The following VWA7 variants were observed in gnomAD, a reference collection of about 807,000 sequenced individuals.
VWA7 encodes von Willebrand factor A domain containing 7.
VWA7 carries 66 observed loss-of-function variants against 83.1 expected under a neutral mutation model. That is an observed-to-expected ratio of 0.79 (90% CI 0.65 to 0.98). The LOEUF is 0.98. VWA7 is among the 50% of genes least tolerant of loss of function. The pLI is 0.00. For missense variants in VWA7, 1,080 were observed against 1,160.2 expected (o/e 0.93, Z 1.00); for synonymous variants, 424 against 488.5 (o/e 0.87, Z 1.74).
Position 31,772,965 on chromosome 6 carries a change from A to G in VWA7, c.1076T>C (p.Phe359Ser), listed in dbSNP as rs1043077474. 5.0e-6 allele frequency: 8 copies of G among 1,611,612 alleles called. No homozygotes were observed. The highest frequency in any genetic ancestry group is 5.9e-6 in the Non-Finnish European group (7 of 1,179,918). The change falls in exon 7 of 17, where the codon TTT (phenylalanine) becomes TCT (serine). Residue 359 changes from phenylalanine to serine, a missense_variant. Transcript: ENST00000375688. Reference protein sequence around the residue: ...MEPVHYVLVPFHDPGFGPVFT... With the variant: ...MEPVHYVLVPSHDPGFGPVFT... ...CAGACCACACTTACCTGGGTCATGA[A>G]AAGGCACCAGGACATAGTGGACAGG...
In VWA7 at chr6:31,775,231, A is replaced by G. The variant is rs1239344915; in HGVS notation, c.610+102T>C. 9.8e-7 allele frequency: 1 copy of G among 1,023,714 alleles called. No homozygotes were observed. The highest frequency in any genetic ancestry group is 1.4e-6 in the Non-Finnish European group (1 of 715,118). The allele number at this position is 1,023,714 out of a possible 1,614,324, so 63.4% of individuals were successfully genotyped here. A position where few individuals can be genotyped will look rare whatever the true frequency, so the allele number is the denominator to read the frequency against. ...GGGACCTCAGTCCTTGTGGAGATTA[A>G]GTAACATCATACCCTCTGGGACTTC... is the stretch of plus-strand genomic sequence containing the variant. On this transcript the variant is annotated intron_variant, in intron 4 of 16. Coordinates refer to ENST00000375688, the MANE Select transcript of VWA7 (RefSeq NM_025258.3). This position sits in a 1 kb window ranked among gnomAD's most constrained non-coding sequence, Gnocchi z 5.9.
At position 31,776,889 on chromosome 6, in the gene VWA7, A is replaced by G. The variant is rs1812737185; in HGVS notation, c.-15-95T>C. The G allele has an allele frequency of 1.5e-6, 1 of 686,580 alleles. No homozygotes were observed. Among genetic ancestry groups the G allele is most frequent in the East Asian group, 3.2e-5 (1 of 30,978 alleles). 42.5% of individuals were successfully genotyped at this position (686,580 alleles called of 1,614,324 possible). A position where few individuals can be genotyped will look rare whatever the true frequency, so the allele number is the denominator to read the frequency against. On this transcript the variant is annotated intron_variant, in intron 1 of 16. Transcript: ENST00000375688. This position sits in a 1 kb window ranked among gnomAD's most constrained non-coding sequence, Gnocchi z 6.2. ...CTCCATGGGAACCTGCTTTACCTCA[A>G]AAGTCGTGTCTGCTCCAGCCTGGCT...
intron 7 of VWA7, among the ~76,000 whole-genome samples, chr6:31,772,474 C>T (rs938816818): frequency 6.6e-6 from 1 of 150,980 alleles, no homozygotes; most frequent in African/African-American, 2.4e-5. Flanking sequence ...TCTGTATGCA[C>T]ACAGTAGAGG....
intron 10 of VWA7, among the ~76,000 whole-genome samples, chr6:31,768,233 G>T (rs545898288): frequency 6.6e-6 from 1 of 152,172 alleles, no homozygotes; most frequent in Admixed American, 6.5e-5. Flanking sequence ...GAGGGGCACG[G>T]GGCCAGGGAT....
In VWA7 at chr6:31,770,052, G is replaced by C; in HGVS notation, c.1149C>G (p.Ile383Met). 1.2e-6 allele frequency: 2 copies of C among 1,612,954 alleles called. No individual in the cohort carries two copies. The highest frequency in any genetic ancestry group is 8.5e-7 in the Non-Finnish European group (1 of 1,180,008). ...GCTCGTCTCCACCCCCCAAGGCATG[G>C]ATCTCATTAAGCTGTTGCCAGAAGC... ...PDSFWQQLNE[I>M]HALGGGDEPE... The change falls in exon 8 of 17, where the codon ATC (isoleucine) becomes ATG (methionine). Residue 383 changes from isoleucine (I) to methionine (M), a missense_variant. Ile to Met is a conservative substitution (Grantham distance 10, BLOSUM62 1). Transcript: ENST00000375688.
chr6:31,771,990 C>CAAAAAAAAAA (rs34193146), intron 7 of VWA7, among the ~76,000 whole-genome samples: 3 of 41,936 alleles, frequency 7.2e-5, no homozygotes, highest in East Asian at 7.0e-4. Context: ...GACTCCGTCT[C>CAAAAAAAAAA]AAAAAAAAAA....
In VWA7 at chr6:31,775,276, G is replaced by A. The variant is rs1402924837; in HGVS notation, c.610+57C>T. Reference sequence around the variant, plus strand: ...GACTTCAGAATGTGACACAGTGGCTGGGTGGACTGAGGTGGCCCTGTGGAC... The same window carrying A: ...GACTTCAGAATGTGACACAGTGGCTAGGTGGACTGAGGTGGCCCTGTGGAC... On this transcript the variant is annotated intron_variant, in intron 4 of 16. Transcript: ENST00000375688. The surrounding 1 kb of genome is among the most constrained non-coding windows in gnomAD (Gnocchi z 5.9). 4.8e-5 allele frequency: 69 copies of A among 1,435,520 alleles called. No individual in the cohort carries two copies. Among genetic ancestry groups the A allele is most frequent in the Non-Finnish European group, 6.3e-5 (66 of 1,043,792 alleles). 88.9% of individuals were successfully genotyped at this position (1,435,520 alleles called of 1,614,324 possible).
Position 31,777,308 on chromosome 6 carries a change from G to A in VWA7, c.-215C>T, listed in dbSNP as rs774424693. 2 of 532,752 alleles carry A rather than the reference G, an allele frequency of 3.8e-6. No homozygotes were observed. The highest frequency in any genetic ancestry group is 6.7e-6 in the Non-Finnish European group (2 of 299,250). The allele number at this position is 532,752 out of a possible 1,614,324, so 33.0% of individuals were successfully genotyped here. On this transcript the variant is annotated 5_prime_UTR_variant, in exon 1 of 17. Coordinates refer to ENST00000375688, the MANE Select transcript of VWA7 (RefSeq NM_025258.3). This position sits in a 1 kb window ranked among gnomAD's most constrained non-coding sequence, Gnocchi z 5.8. ...GCCCACGCCAGGGCGGGCCTCCCTTGGCTGCAGTGCGGAGGTGAGTGAGAG... is the reference window on the plus strand; with the variant it reads ...GCCCACGCCAGGGCGGGCCTCCCTTAGCTGCAGTGCGGAGGTGAGTGAGAG...
intron 4 of VWA7, 96 bp from the exon 5 acceptor site, chr6:31,774,722 G>C (rs1433379473): frequency 1.3e-5 from 14 of 1,038,384 alleles, no homozygotes; most frequent in Non-Finnish European, 1.9e-5. Flanking sequence ...TCCCAGCTGG[G>C]ATGAGGCGAA....
chr6:31,772,914 AT>A, intron 7 of VWA7, 39 bp downstream of exon 7: 1 of 1,584,464 alleles, frequency 6.3e-7, no homozygotes, highest in Non-Finnish European at 8.6e-7. Flanking sequence ...CTTACCTTGA[AT>A]TTTCCTCCCC....
chr6:31,765,762 G>A lies in VWA7; in HGVS notation c.2508C>T (p.His836=). 1.3e-6 allele frequency: 2 copies of A among 1,586,484 alleles called. No individual in the cohort carries two copies. The highest frequency in any genetic ancestry group is 1.1e-5 in the South Asian group (1 of 87,292). ...LVSAPAPQDR[H]TTPTGSSDPI... ...GGTCAGATGAGCCGGTAGGGGTGGT[G>A]TGCCGGTCCTGTGGGGAAAAGGAAG... The change falls in exon 17 of 17, where the codon CAC becomes CAT. Residue 836 remains histidine, a synonymous_variant. Transcript: ENST00000375688.
In VWA7 at chr6:31,776,163, C is replaced by T. The variant is rs763416256; in HGVS notation, c.314G>A (p.Gly105Asp). 1 of 1,614,020 alleles carries T rather than the reference C, an allele frequency of 6.2e-7. No homozygotes were observed. Among genetic ancestry groups the T allele is most frequent in the Non-Finnish European group, 8.5e-7 (1 of 1,180,024 alleles). ...GSSRRFRAAL[G>D]EVSRANAAQD... is the part of the protein sequence containing the mutation. ...GGCTGCATTGGCACGAGACACCTCA[C>T]CTAAGGCTGCTCGGAACCGCCGAGA... Residue 105 changes from glycine to aspartate, a missense_variant, in exon 3 of 17, where the codon GGT (glycine) becomes GAT (aspartate). Transcript: ENST00000375688. This position sits in a 1 kb window ranked among gnomAD's most constrained non-coding sequence, Gnocchi z 6.2.
At position 31,766,003 on chromosome 6, in the gene VWA7, T is replaced by C; in HGVS notation, c.2379A>G (p.Pro793=). ...CCACGGAATCCGGGGCCGCTGAATC[T>C]GGGACCTCCAGCCACAGGCGGCCCC... The part of the protein sequence containing the change: ...SAWGRLWLEV[P]DSAAPDSVVM... The change falls in exon 16 of 17, where the codon CCA becomes CCG. Residue 793 remains proline (P), a synonymous_variant. Transcript: ENST00000375688. The surrounding 1 kb of genome is among the most constrained non-coding windows in gnomAD (Gnocchi z 4.9). 6.2e-7 allele frequency: 1 copy of C among 1,612,772 alleles called. No individual in the cohort carries two copies. Among genetic ancestry groups the C allele is most frequent in the Non-Finnish European group, 8.5e-7 (1 of 1,180,028 alleles).
At position 31,766,180 on chromosome 6, in the gene VWA7, A is replaced by G; in HGVS notation, c.2324+65T>C. The G allele has an allele frequency of 1.3e-6, 2 of 1,598,544 alleles. No homozygotes were observed. Among genetic ancestry groups the G allele is most frequent in the Middle Eastern group, 1.8e-4 (1 of 5,440 alleles). The stretch of plus-strand genomic sequence containing the variant: ...GGGCCAGTCGGAGGGGGACAGGGGC[A>G]GGGCTTGGGATAAGCATTGGCCGGG... On this transcript the variant is annotated intron_variant, in intron 15 of 16. Transcript: ENST00000375688. The surrounding 1 kb of genome is among the most constrained non-coding windows in gnomAD (Gnocchi z 4.9).
rs776911716 is a variant in VWA7 at position 31,766,667 on chromosome 6, C to A, written c.1980G>T (p.Gly660=). 6.2e-7 allele frequency: 1 copy of A among 1,612,804 alleles called. No individual in the cohort carries two copies. The highest frequency in any genetic ancestry group is 1.3e-5 in the African/African-American group (1 of 74,922). ...QPHFSHVILR[G]VPEGAELGQV... ...GGCCTAGTTCGGCACCCTCTGGGAC[C>A]CCTCGAAGGATGACGTGGGAGAAAT... Residue 660 remains glycine, a synonymous_variant, in exon 14 of 17, where the codon GGG becomes GGT. Transcript: ENST00000375688. The surrounding 1 kb of genome is among the most constrained non-coding windows in gnomAD (Gnocchi z 4.9).
Position 31,767,243 on chromosome 6 carries a change from G to A in VWA7, c.1797C>T (p.Thr599=), listed in dbSNP as rs1811699140. Residue 599 remains threonine (T), a synonymous_variant, in exon 13 of 17, where the codon ACC becomes ACT. Transcript: ENST00000375688. ...CAAAGTGGAAGAGGAAGTCCAGGGA[G>A]GTCTGGGCTGGGAAAGGGCAAAGGC... ...DTPGVRVQAQ[T]SLDFLFHFGI... is the part of the protein sequence containing the mutation. The A allele has an allele frequency of 1.2e-6, 2 of 1,610,550 alleles. No individual in the cohort carries two copies. Among genetic ancestry groups the A allele is most frequent in the South Asian group, 2.2e-5 (2 of 90,540 alleles).
At position 31,773,252 on chromosome 6, in the gene VWA7, C is replaced by A; in HGVS notation, c.907G>T (p.Asp303Tyr). 6.2e-7 allele frequency: 1 copy of A among 1,603,430 alleles called. No homozygotes were observed. The highest frequency in any genetic ancestry group is 8.5e-7 in the Non-Finnish European group (1 of 1,175,386). The change falls in exon 6 of 17, where the codon GAT (aspartate) becomes TAT (tyrosine). Residue 303 changes from aspartate to tyrosine, a missense_variant. Asp to Tyr is a radical substitution (Grantham distance 160, BLOSUM62 -3). Coordinates refer to ENST00000375688, the MANE Select transcript of VWA7 (RefSeq NM_025258.3). This position sits in a 1 kb window ranked among gnomAD's most constrained non-coding sequence, Gnocchi z 5.3. ...SLLRSRLGDR[D>Y]FSRLLDITPA... The stretch of plus-strand genomic sequence containing the variant: ...CAGGAGGCCACTCACCTGGAGAAAT[C>A]CCTGTCTCCCAGGCGGCTTCGCAGA...
rs377298727 is a variant in VWA7, at chr6:31,774,891, C to T, written c.611-265G>A. On this transcript the variant is annotated intron_variant, in intron 4 of 16. Transcript: ENST00000375688. ...ATCCCAGCACTTTAGGAGGCTAAGGCGGGCAGAGCAGCCTGCGCCACACAG... is the reference window on the plus strand; with the variant it reads ...ATCCCAGCACTTTAGGAGGCTAAGGTGGGCAGAGCAGCCTGCGCCACACAG... 4.6e-3 allele frequency among the ~76,000 whole-genome samples: 701 copies of T among 152,176 alleles called. 24 individuals carry two copies. In the South Asian group the frequency reaches 0.082, roughly 18 times the overall value.
rs1355550986 is a variant in VWA7, at chr6:31,767,754, C to T, written c.1504G>A (p.Val502Met). The change falls in exon 11 of 17, where the codon GTG becomes ATG. Residue 502 changes from valine to methionine, a missense_variant and splice_region_variant. Coordinates refer to ENST00000375688, the MANE Select transcript of VWA7 (RefSeq NM_025258.3). ...AIVGESMAAL[V>M]TLPLDPPVVV... The stretch of plus-strand genomic sequence containing the variant: ...ACAGGAGGGTCCAGGGGAAGAGTCA[C>T]CTTGAGGGATTGGCAGGACCAGAAA... 1.3e-6 allele frequency: 2 copies of T among 1,599,290 alleles called. No individual in the cohort carries two copies. The highest frequency in any genetic ancestry group is 1.7e-6 in the Non-Finnish European group (2 of 1,167,818).
Sources: allele counts gnomAD v4.1 joint callset (sites outside exome capture counted in the v4.1 genomes callset), GRCh38; gene constraint gnomAD v4.1.1; non-coding constraint Gnocchi (gnomAD v3.1); transcripts MANE v1.5; gene names NCBI Gene and HGNC (gene_info 2026-07-23, HGNC 2026-07-21).